The following ATE1 variants were observed in gnomAD, a reference collection of about 807,000 sequenced individuals.
ATE1 encodes the protein arginyl-tRNA--protein transferase 1.
In ATE1, 36 loss-of-function variants were observed where a neutral mutation model predicts 70.5. The observed-to-expected ratio is 0.51, with a 90% CI of 0.39 to 0.67. ATE1 has a LOEUF of 0.67. Among genes scored for constraint, ATE1 ranks in the 30% least tolerant of loss-of-function variants. The probability of loss-of-function intolerance (pLI) is 0.00; values close to 1 mark genes in which losing one functional copy is unlikely to be tolerated. For missense variants in ATE1, 593 were observed against 629.5 expected (o/e 0.94, Z 0.62); for synonymous variants, 232 against 219.3 (o/e 1.06, Z -0.51).
At chr10:121,893,271 A>G (rs1432280736) in intron 7 of ATE1, among the ~76,000 whole-genome samples, 1 of 128,110 alleles carries the variant, frequency 7.8e-6, no homozygotes, top group Non-Finnish European at 1.7e-5. Flanking sequence ...AGTGAGACTT[A>G]GTCTCAAAAA....
intron 7 of ATE1, among the ~76,000 whole-genome samples, chr10:121,884,622 G>A (rs1398441418): frequency 6.6e-6 from 1 of 152,112 alleles, no homozygotes; most frequent in African/African-American, 2.4e-5. Flanking sequence ...AGGGAAAAGA[G>A]TGGAAGGGAG....
chr10:121,861,093 G>A (rs926991540), intron 8 of ATE1, among the ~76,000 whole-genome samples: 1 of 152,004 alleles, frequency 6.6e-6, no homozygotes, highest in Non-Finnish European at 1.5e-5. Flanking sequence ...ACATCTAATG[G>A]GCAATGAAAA....
At chr10:121,758,902 T>C (rs907707806) in intron 11 of ATE1, among the ~76,000 whole-genome samples, 2 of 152,204 alleles carry the variant, frequency 1.3e-5, no homozygotes, top group East Asian at 3.8e-4. Context: ...TGATAAATGC[T>C]GTGTGTATTC....
At chr10:121,912,478 C>T (rs1398309272) in intron 4 of ATE1, among the ~76,000 whole-genome samples, 1 of 151,328 alleles carries the variant, frequency 6.6e-6, no homozygotes, top group Admixed American at 6.6e-5. Context: ...AGTGAAACCC[C>T]GTTTCTACTA....
chr10:121,836,420 A>T (rs1171303384), intron 10 of ATE1, among the ~76,000 whole-genome samples: 1 of 152,132 alleles, frequency 6.6e-6, no homozygotes, highest in Non-Finnish European at 1.5e-5. Flanking sequence ...CAGTTTTTAT[A>T]GTGGGCTACG....
chr10:121,802,459 C>G (rs766100685), intron 10 of ATE1, among the ~76,000 whole-genome samples: 3 of 152,030 alleles, frequency 2.0e-5, no homozygotes, highest in Non-Finnish European at 4.4e-5. Context: ...CAGGCGCCCA[C>G]CACCACGTCT....
At position 121,797,279 on chromosome 10, in the gene ATE1, G is replaced by A. The variant is rs538005930; in HGVS notation, c.1258-6990C>T. Among the ~76,000 whole-genome samples, 15 of 152,188 alleles carry A rather than the reference G, an allele frequency of 9.9e-5. No homozygotes were observed. The South Asian group carries it at 3.1e-3, about 32-fold the overall frequency. ...AAAGTTATAAACTGATACAGAGGAG[G>A]AGCAAAAAATGTTTCCAGCAAGCCC... On this transcript the variant is annotated intron_variant, in intron 10 of 11. Transcript: ENST00000224652.
chr10:121,858,660 A>ATATATATAAATATATATTT (rs1554913062), intron 8 of ATE1, among the ~76,000 whole-genome samples: 1 of 139,216 alleles, frequency 7.2e-6, no homozygotes, highest in East Asian at 2.0e-4. Flanking sequence ...TATACATATA[A>ATATATATAAATATATATTT]TATATATATA....
intron 8 of ATE1, among the ~76,000 whole-genome samples, chr10:121,847,541 C>G (rs1482217084): frequency 6.6e-6 from 1 of 151,564 alleles, no homozygotes; most frequent in Non-Finnish European, 1.5e-5. Context: ...GGGCAGATCA[C>G]GAGCTCAGGA....
intron 9 of ATE1, among the ~76,000 whole-genome samples, chr10:121,837,690 A>T (rs1359138752): frequency 1.3e-5 from 2 of 152,222 alleles, no homozygotes; most frequent in African/African-American, 4.8e-5. Context: ...TTAAATCCTT[A>T]AAGAATTATT....
intron 7 of ATE1, among the ~76,000 whole-genome samples, chr10:121,898,365 T>C (rs1033291656): frequency 6.6e-6 from 1 of 152,242 alleles, no homozygotes; most frequent in Admixed American, 6.5e-5. Context: ...TCTGCTTAAC[T>C]GCAGATTATA....
At chr10:121,751,141 A>G (rs1297125510) in intron 11 of ATE1, among the ~76,000 whole-genome samples, 5 of 152,264 alleles carry the variant, frequency 3.3e-5, no homozygotes, top group African/African-American at 1.2e-4. Flanking sequence ...TCCAGCTGAG[A>G]GAATTACGCA....
At chr10:121,789,693 A>G (rs4471357) in intron 11 of ATE1, among the ~76,000 whole-genome samples, 143,866 of 152,162 alleles carry the variant, frequency 0.95, 68,249 homozygotes, top group Non-Finnish European at 0.98. Context: ...CTATACTGGA[A>G]GGGTACGCCA....
chr10:121,913,732 A>G lies in ATE1; in HGVS notation c.337+58T>C, dbSNP rs1590712807. 2.5e-6 allele frequency: 3 copies of G among 1,221,158 alleles called. No individual in the cohort carries two copies. In the South Asian group the frequency reaches 3.9e-5, roughly 16 times the overall value. The allele number at this position is 1,221,158 out of a possible 1,614,324, so 75.6% of individuals were successfully genotyped here. On this transcript the variant is annotated intron_variant, in intron 4 of 11. Coordinates refer to ENST00000224652, the MANE Select transcript of ATE1 (RefSeq NM_001001976.3). ...ACCCTTCCCCTTCCCAAGATGACTG[A>G]AAGTGGGACCGTTGCAAAGACAGAT...
intron 1 of ATE1, 94 bp downstream of exon 1, chr10:121,927,750 G>C (rs1473546504): frequency 7.1e-7 from 1 of 1,414,602 alleles, no homozygotes; most frequent in African/African-American, 1.5e-5. Context: ...ACTGGGGCCA[G>C]GGGCTCCGGC....
At chr10:121,821,333 G>A (rs191904892) in intron 10 of ATE1, among the ~76,000 whole-genome samples, 44 of 152,206 alleles carry the variant, frequency 2.9e-4, no homozygotes, top group African/African-American at 1.1e-3. Flanking sequence ...TTGATAAGGT[G>A]GACACATTAA....
chr10:121,816,964 A>G (rs10788212), intron 10 of ATE1, among the ~76,000 whole-genome samples: 60,199 of 152,136 alleles, frequency 0.4, 13,376 homozygotes, highest in South Asian at 0.53. Flanking sequence ...GAAAGTGCCA[A>G]TGCAAGGGTA....
In ATE1 at chr10:121,905,295, CTATA is replaced by C. The variant is rs1951145958; in HGVS notation, c.584-2679_584-2676del. Among the ~76,000 whole-genome samples, 6 of 152,076 alleles carry C rather than the reference CTATA, an allele frequency of 3.9e-5. No homozygotes were observed. The South Asian group carries it at 1.0e-3, about 26-fold the overall frequency. On this transcript the variant is annotated intron_variant, in intron 5 of 11. Coordinates refer to ENST00000224652, the MANE Select transcript of ATE1 (RefSeq NM_001001976.3). ...ACCAACATCTAAAATAATGTTTTAC[CTATA>C]TAAACATTCCATAAATAGTAATTTT...
intron 8 of ATE1, among the ~76,000 whole-genome samples, chr10:121,850,716 C>T (rs921164478): frequency 6.6e-6 from 1 of 152,150 alleles, no homozygotes; most frequent in Non-Finnish European, 1.5e-5. Flanking sequence ...GATTCAAAGT[C>T]AAAAGATGTG....
Sources: allele counts gnomAD v4.1 joint callset (sites outside exome capture counted in the v4.1 genomes callset), GRCh38; gene constraint gnomAD v4.1.1; transcripts MANE v1.5; gene names NCBI Gene and HGNC (gene_info 2026-07-23, HGNC 2026-07-21).